LCK: variants seen among roughly 807,000 people sequenced by gnomAD.
LCK encodes the protein LCK proto-oncogene, Src family tyrosine kinase.
A neutral mutation model predicts 64.6 loss-of-function variants in LCK; 14 were observed. That is an observed-to-expected ratio of 0.22 (90% CI 0.14 to 0.34). LCK has a LOEUF of 0.34. Ranked by LOEUF, LCK falls within the 10% of genes least tolerant of loss-of-function variation. LCK has a pLI of 1.00. For missense variants in LCK, 434 were observed against 668.1 expected (o/e 0.65, Z 3.86); for synonymous variants, 277 against 263.6 (o/e 1.05, Z -0.49).
chr1:32,266,134 A>AT (rs35899413), intron 1 of LCK, among the ~76,000 whole-genome samples: 7 of 151,716 alleles, frequency 4.6e-5, no homozygotes, highest in Admixed American at 2.0e-4. Context: ...TAATTTTCAG[A>AT]TTTTTTTTGT....
chr1:32,272,629 G>A (rs1028940289), intron 1 of LCK, among the ~76,000 whole-genome samples: 1 of 146,700 alleles, frequency 6.8e-6, no homozygotes, highest in Non-Finnish European at 1.5e-5. Flanking sequence ...GAGAAAGAGA[G>A]AGAGAGAGAG....
intron 9 of LCK, among the ~76,000 whole-genome samples, chr1:32,278,817 A>T (rs182853935): frequency 3.3e-5 from 5 of 152,146 alleles, no homozygotes; most frequent in Admixed American, 3.3e-4. Flanking sequence ...GTCTTTGGTA[A>T]CTAGTTCAGC....
intron 12 of LCK, among the ~76,000 whole-genome samples, chr1:32,280,464 T>TTG (rs1295488551): frequency 6.1e-5 from 8 of 132,132 alleles, no homozygotes; most frequent in African/African-American, 2.3e-4. Context: ...TTTTTTTTTT[T>TTG]TTTTTTTTTG....
At chr1:32,272,861 G>A (rs1423914745) in intron 1 of LCK, among the ~76,000 whole-genome samples, 1 of 147,670 alleles carries the variant, frequency 6.8e-6, no homozygotes, top group African/African-American at 2.5e-5. Flanking sequence ...GTGTGTGTGT[G>A]TAAGGTGAGT....
Position 32,275,266 on chromosome 1 carries a change from G to C in LCK, c.279-55G>C. 1 of 1,576,658 alleles carries C rather than the reference G, an allele frequency of 6.3e-7. No homozygotes were observed. Among genetic ancestry groups the C allele is most frequent in the East Asian group, 2.2e-5 (1 of 44,672 alleles). On this transcript the variant is annotated intron_variant, in intron 4 of 12. Coordinates refer to ENST00000336890, the MANE Select transcript of LCK (RefSeq NM_005356.5). This position sits in a 1 kb window ranked among gnomAD's most constrained non-coding sequence, Gnocchi z 6.9. ...TTAAGGGGTGGAGGGGTCTTTGAGG[G>C]AGGGTCTCAGGTCGACGGCTGAGCG... is the stretch of plus-strand genomic sequence containing the variant.
At chr1:32,274,665 C>T in intron 2 of LCK, 72 bp from the exon 3 acceptor site, 1 of 1,258,634 alleles carries the variant, frequency 7.9e-7, no homozygotes, top group South Asian at 1.4e-5. Flanking sequence ...GAGAGCAGAG[C>T]AGGGGGGAAG....
intron 12 of LCK, among the ~76,000 whole-genome samples, chr1:32,283,984 G>A (rs984181057): frequency 1.3e-5 from 2 of 151,926 alleles, no homozygotes; most frequent in South Asian, 2.1e-4. Flanking sequence ...GGGTTTAAGC[G>A]ATTCTCCTGC....
chr1:32,276,174 T>A lies in LCK; in HGVS notation c.631+111T>A. 1 of 1,474,394 alleles carries A rather than the reference T, an allele frequency of 6.8e-7. No individual in the cohort carries two copies. The highest frequency in any genetic ancestry group is 9.3e-7 in the Non-Finnish European group (1 of 1,077,988). The allele number at this position is 1,474,394 out of a possible 1,614,324, so 91.3% of individuals were successfully genotyped here. A position where few individuals can be genotyped will look rare whatever the true frequency, so the allele number is the denominator to read the frequency against. On this transcript the variant is annotated intron_variant, in intron 7 of 12. Coordinates refer to ENST00000336890, the MANE Select transcript of LCK (RefSeq NM_005356.5). The surrounding 1 kb of genome is among the most constrained non-coding windows in gnomAD (Gnocchi z 4.6). ...GCCCTACTCCATTCCCCGCAGTGGG[T>A]GAGGTGTGGAACCTGACCCTACGGC...
intron 1 of LCK, among the ~76,000 whole-genome samples, chr1:32,260,192 T>C (rs933434025): frequency 6.6e-6 from 1 of 152,162 alleles, no homozygotes; most frequent in African/African-American, 2.4e-5. Flanking sequence ...TTTGTATTTT[T>C]AGTAGAGATG....
intron 12 of LCK, among the ~76,000 whole-genome samples, chr1:32,284,659 C>T (rs754844201): frequency 7.9e-5 from 12 of 152,152 alleles, no homozygotes; most frequent in Non-Finnish European, 1.8e-4. Flanking sequence ...CATGAGCCAC[C>T]ATGCCTGGCC....
At chr1:32,279,612 AG>A (rs1255352045) in intron 9 of LCK, 58 bp from the exon 10 acceptor site, 1 of 1,612,860 alleles carries the variant, frequency 6.2e-7, no homozygotes, top group Admixed American at 1.7e-5. Context: ...TGGAGGAGAA[AG>A]GTCTGGGGGC....
intron 9 of LCK, among the ~76,000 whole-genome samples, chr1:32,278,529 G>C (rs1360070517): frequency 1.3e-5 from 2 of 152,092 alleles, no homozygotes; most frequent in Admixed American, 1.3e-4. Context: ...AGTAGAGACA[G>C]GTTTTCGCCT....
chr1:32,267,457 T>G (rs1405069809), intron 1 of LCK, among the ~76,000 whole-genome samples: 1 of 152,076 alleles, frequency 6.6e-6, no homozygotes, highest in East Asian at 1.9e-4. Flanking sequence ...GCTGAGTATC[T>G]CAGTTTAAGA....
intron 12 of LCK, 132 bp from the exon 13 acceptor site, chr1:32,285,382 C>A: frequency 1.3e-6 from 1 of 793,564 alleles, no homozygotes; most frequent in Non-Finnish European, 2.2e-6. Flanking sequence ...CTAGTGTGAC[C>A]TTACCATTGA....
Position 32,251,479 on chromosome 1 carries a change from G to A in LCK, c.-6+108G>A, listed in dbSNP as rs541892596. ...CCCTAGGGATGCAGCAGCCCTTTGT[G>A]GCTGGGGAGAGAAGATCCTCGCTCA... is the stretch of plus-strand genomic sequence containing the variant. On this transcript the variant is annotated intron_variant, in intron 1 of 12. Transcript: ENST00000336890. The surrounding 1 kb of genome is among the most constrained non-coding windows in gnomAD (Gnocchi z 4.0). 2 of 152,628 alleles carry A rather than the reference G, an allele frequency of 1.3e-5. No homozygotes were observed. Among genetic ancestry groups the A allele is most frequent in the Non-Finnish European group, 2.9e-5 (2 of 68,258 alleles). The allele number at this position is 152,628 out of a possible 1,614,324, so 9.5% of individuals were successfully genotyped here.
intron 1 of LCK, among the ~76,000 whole-genome samples, chr1:32,269,153 T>G (rs1640010537): frequency 1.4e-5 from 2 of 143,464 alleles, no homozygotes; most frequent in Admixed American, 7.0e-5. Flanking sequence ...AACAGGAGTC[T>G]AGGCTGGGCA....
At chr1:32,279,048 A>G (rs1293995235) in intron 9 of LCK, among the ~76,000 whole-genome samples, 1 of 152,176 alleles carries the variant, frequency 6.6e-6, no homozygotes, top group Non-Finnish European at 1.5e-5. Context: ...GCTGGGCACC[A>G]GGAACATGGA....
chr1:32,285,992 G>A lies in LCK; in HGVS notation c.*276G>A, dbSNP rs1174906689. On this transcript the variant is annotated 3_prime_UTR_variant, in exon 13 of 13. Coordinates refer to ENST00000336890, the MANE Select transcript of LCK (RefSeq NM_005356.5). ...CTCCCATTTCCTGAGACCACAGAGAGAGGGGAGAAGCCTGGGATTGACAGA... is the reference window on the plus strand; with the variant it reads ...CTCCCATTTCCTGAGACCACAGAGAAAGGGGAGAAGCCTGGGATTGACAGA... 2.1e-6 allele frequency: 1 copy of A among 476,084 alleles called. No homozygotes were observed. The highest frequency in any genetic ancestry group is 3.8e-6 in the Non-Finnish European group (1 of 262,302). 29.5% of individuals were successfully genotyped at this position (476,084 alleles called of 1,614,324 possible). A position where few individuals can be genotyped will look rare whatever the true frequency, so the allele number is the denominator to read the frequency against.
At chr1:32,253,095 G>A (rs368391211) in intron 1 of LCK, among the ~76,000 whole-genome samples, 14 of 152,344 alleles carry the variant, frequency 9.2e-5, no homozygotes, top group African/African-American at 3.1e-4. Flanking sequence ...GCTGGGCACG[G>A]TGGCTCACAC....
Sources: gnomAD v4.1 joint callset for allele counts (sites outside exome capture counted in the v4.1 genomes callset) on GRCh38, gnomAD v4.1.1 for gene constraint, Gnocchi (gnomAD v3.1) non-coding constraint, MANE v1.5 for transcripts, NCBI Gene and HGNC (gene_info 2026-07-23, HGNC 2026-07-21) for gene names.